The following AMBRA1 variants were observed in gnomAD, a reference collection of about 807,000 sequenced individuals.
The protein encoded by AMBRA1 is activating molecule in BECN1-regulated autophagy protein 1.
In AMBRA1, 47 loss-of-function variants were observed where a neutral mutation model predicts 125.4. The ratio of observed to expected loss-of-function variants is 0.37; its 90% CI spans 0.30 to 0.48. The LOEUF is 0.48. AMBRA1 is among the 20% of genes least tolerant of loss of function. The pLI, the probability that AMBRA1 is intolerant of heterozygous loss-of-function variation, is 0.99. For missense variants in AMBRA1, 1,331 were observed against 1,693.4 expected (o/e 0.79, Z 3.76); for synonymous variants, 626 against 655.5 (o/e 0.95, Z 0.69).
At chr11:46,564,211 C>A (rs2043441302) in intron 1 of AMBRA1, among the ~76,000 whole-genome samples, 1 of 147,542 alleles carries the variant, frequency 6.8e-6, no homozygotes, top group African/African-American at 2.5e-5. Context: ...CAGAAAAATC[C>A]CAGTATTAAA....
intron 1 of AMBRA1, among the ~76,000 whole-genome samples, chr11:46,578,950 A>G (rs1377638408): frequency 6.7e-6 from 1 of 149,990 alleles, no homozygotes; most frequent in African/African-American, 2.4e-5. Flanking sequence ...CATTCAGTAC[A>G]TAGAAATAAG....
At chr11:46,421,012 C>A (rs1270109697) in intron 14 of AMBRA1, among the ~76,000 whole-genome samples, 1 of 152,182 alleles carries the variant, frequency 6.6e-6, no homozygotes, top group East Asian at 1.9e-4. Flanking sequence ...ACAAAACAAG[C>A]CTCTGTCACA....
chr11:46,540,791 T>C (rs1952697502), intron 7 of AMBRA1, among the ~76,000 whole-genome samples: 1 of 152,226 alleles, frequency 6.6e-6, no homozygotes, highest in East Asian at 1.9e-4. Context: ...ATCTATACTT[T>C]TGAAAAATTT....
chr11:46,456,657 G>A (rs1948857810), intron 11 of AMBRA1, among the ~76,000 whole-genome samples: 1 of 152,220 alleles, frequency 6.6e-6, no homozygotes, highest in Non-Finnish European at 1.5e-5. Context: ...TTTGGTGGAA[G>A]CACAAGCGAG....
chr11:46,429,699 T>C (rs1947358259), intron 14 of AMBRA1, among the ~76,000 whole-genome samples: 1 of 152,162 alleles, frequency 6.6e-6, no homozygotes, highest in Non-Finnish European at 1.5e-5. Context: ...CCAAAGTTAT[T>C]ATACTGTGCA....
chr11:46,468,917 G>A (rs1949452385), intron 11 of AMBRA1, among the ~76,000 whole-genome samples: 1 of 152,132 alleles, frequency 6.6e-6, no homozygotes, highest in Admixed American at 6.5e-5. Flanking sequence ...GCCAAGGCAG[G>A]TGGATCACCT....
chr11:46,510,351 C>T (rs1048700511), intron 8 of AMBRA1, among the ~76,000 whole-genome samples: 1 of 152,190 alleles, frequency 6.6e-6, no homozygotes, highest in African/African-American at 2.4e-5. Flanking sequence ...CAACAGAAGT[C>T]GATGTTCGTG....
Position 46,397,634 on chromosome 11 carries a change from G to T in AMBRA1, c.3713C>A (p.Thr1238Asn). Reference protein sequence around the residue: ...PRTASWDQPGTPGREPTQPTL... With the variant: ...PRTASWDQPGNPGREPTQPTL... ...TGGCTGGGTTGGCTCCCGCCCAGGGGTACCAGGCTGGTCCCAGGAAGCTGT... is the reference window on the plus strand; with the variant it reads ...TGGCTGGGTTGGCTCCCGCCCAGGGTTACCAGGCTGGTCCCAGGAAGCTGT... The change falls in exon 18 of 18, where the codon ACC becomes AAC. Residue 1238 changes from threonine to asparagine, a missense_variant. By Grantham distance (65) the Thr-to-Asn change is moderately conservative. Around this residue, in one of 4 missense-constraint regions of AMBRA1, gnomAD observed 144 missense variants for 133.9 expected, o/e 1.08. Transcript: ENST00000683756. 6.2e-7 allele frequency: 1 copy of T among 1,612,380 alleles called. No individual in the cohort carries two copies. The highest frequency in any genetic ancestry group is 1.3e-5 in the African/African-American group (1 of 75,008).
intron 1 of AMBRA1, among the ~76,000 whole-genome samples, chr11:46,549,290 T>C (rs2042917820): frequency 1.3e-5 from 2 of 152,228 alleles, no homozygotes; most frequent in Admixed American, 6.5e-5. Context: ...TCTACATATA[T>C]ACAGTGTTAT....
intron 1 of AMBRA1, among the ~76,000 whole-genome samples, chr11:46,578,659 G>A (rs193262400): frequency 1.7e-4 from 26 of 151,782 alleles, no homozygotes; most frequent in African/African-American, 5.6e-4. Context: ...CGAGGTGGGC[G>A]GATCACGAGG....
At chr11:46,533,255 A>G (rs1366565758) in intron 7 of AMBRA1, among the ~76,000 whole-genome samples, 1 of 152,270 alleles carries the variant, frequency 6.6e-6, no homozygotes, top group East Asian at 1.9e-4. Context: ...ACACACACAA[A>G]TTGTTAATAG....
At chr11:46,530,283 A>C (rs534125955) in intron 7 of AMBRA1, among the ~76,000 whole-genome samples, 1 of 149,546 alleles carries the variant, frequency 6.7e-6, no homozygotes, top group East Asian at 1.9e-4. Flanking sequence ...CAAAGCACAC[A>C]GCACGCTCTA....
intron 11 of AMBRA1, among the ~76,000 whole-genome samples, chr11:46,472,914 C>T (rs2136887941): frequency 6.6e-6 from 1 of 152,298 alleles, no homozygotes; most frequent in Non-Finnish European, 1.5e-5. Context: ...TCCCTTACCT[C>T]TTGCTCATAC....
chr11:46,398,300 GT>G (rs1251863552), intron 17 of AMBRA1, among the ~76,000 whole-genome samples: 3 of 152,194 alleles, frequency 2.0e-5, no homozygotes, highest in Non-Finnish European at 4.4e-5. Flanking sequence ...CCTGCTCCCT[GT>G]TGTGGAAACT....
chr11:46,431,570 C>G (rs1276456996), intron 14 of AMBRA1, among the ~76,000 whole-genome samples: 1 of 152,246 alleles, frequency 6.6e-6, no homozygotes, highest in African/African-American at 2.4e-5. Flanking sequence ...TGTGCAGGAG[C>G]TGGGCAAGAG....
chr11:46,591,668 G>C (rs963273144), intron 1 of AMBRA1, among the ~76,000 whole-genome samples: 3 of 151,864 alleles, frequency 2.0e-5, no homozygotes, highest in African/African-American at 7.3e-5. Flanking sequence ...CAGCCTGGCC[G>C]AGATGGTAAA....
chr11:46,578,097 A>G (rs1268394093), intron 1 of AMBRA1, among the ~76,000 whole-genome samples: 1 of 152,026 alleles, frequency 6.6e-6, no homozygotes, highest in African/African-American at 2.4e-5. Context: ...TCTAGCCTGG[A>G]AGAAAGTGTG....
At position 46,397,773 on chromosome 11, in the gene AMBRA1, A is replaced by C. The variant is rs367760647; in HGVS notation, c.3574T>G (p.Ser1192Ala). 1.9e-6 allele frequency: 3 copies of C among 1,611,764 alleles called. No homozygotes were observed. Among genetic ancestry groups the C allele is most frequent in the Non-Finnish European group, 2.5e-6 (3 of 1,179,986 alleles). The change falls in exon 18 of 18, where the codon TCT becomes GCT. Residue 1192 changes from serine (S) to alanine (A), a missense_variant. Physicochemically the swap from Ser to Ala is moderately conservative, Grantham distance 99. Around this residue, in one of 4 missense-constraint regions of AMBRA1, gnomAD observed 354 missense variants for 532.7 expected, o/e 0.66. Coordinates refer to ENST00000683756, the MANE Select transcript of AMBRA1 (RefSeq NM_001387011.1). ...IIVSHRIHRS[S>A]QTGTEPGAAH... ...GCACCAGGTTCAGTGCCCGTCTGAG[A>C]GCTGCGGTGAATGCGGTGGCTGACG...
At chr11:46,592,141 G>T (rs1230382861) in intron 1 of AMBRA1, among the ~76,000 whole-genome samples, 1 of 151,656 alleles carries the variant, frequency 6.6e-6, no homozygotes, top group Non-Finnish European at 1.5e-5. Flanking sequence ...CTCCACGTTA[G>T]TCAGGCTGGT....
Sources: gnomAD v4.1 joint callset for allele counts (sites outside exome capture counted in the v4.1 genomes callset) on GRCh38, gnomAD v4.1.1 for gene constraint, gnomAD v4.1.1 regional missense constraint, MANE v1.5 for transcripts, NCBI Gene and HGNC (gene_info 2026-07-23, HGNC 2026-07-21) for gene names.